FHIT: variants seen among roughly 807,000 people sequenced by gnomAD.
The protein encoded by FHIT is fragile histidine triad diadenosine triphosphatase.
Under a neutral mutation model 17.9 loss-of-function variants are expected in FHIT, and 19 were observed. That is an observed-to-expected ratio of 1.06 (90% confidence interval 0.74 to 1.56). The LOEUF is 1.56. FHIT is among the 40% of genes most tolerant of loss of function. The pLI is 0.00. For synonymous variants in FHIT, 81 were observed against 69.7 expected (o/e 1.16, Z -0.81); for missense variants, 248 against 189.2 (o/e 1.31, Z -1.82).
At chr3:60,002,208 TG>T (rs1196384855) in intron 7 of FHIT, among the ~76,000 whole-genome samples, 1 of 152,070 alleles carries the variant, frequency 6.6e-6, no homozygotes, top group Admixed American at 6.5e-5. Context: ...GGGAAAGAAA[TG>T]GAAGTTTTCA....
chr3:60,100,568 G>A (rs532274904), intron 5 of FHIT, among the ~76,000 whole-genome samples: 3 of 151,988 alleles, frequency 2.0e-5, no homozygotes, highest in Non-Finnish European at 2.9e-5. Context: ...CCCTCACTAC[G>A]CTGACCCCGA....
chr3:60,034,770 T>C (rs556556884), intron 5 of FHIT, among the ~76,000 whole-genome samples: 64 of 152,322 alleles, frequency 4.2e-4, no homozygotes, highest in African/African-American at 1.5e-3. Flanking sequence ...TATATTAATT[T>C]ACATGTAAAA....
intron 7 of FHIT, among the ~76,000 whole-genome samples, chr3:59,981,280 C>T (rs1220458326): frequency 6.6e-6 from 1 of 152,094 alleles, no homozygotes; most frequent in African/African-American, 2.4e-5. Context: ...AAAATTTCCA[C>T]ACTTGGAATG....
intron 8 of FHIT, among the ~76,000 whole-genome samples, chr3:59,804,411 T>C (rs979831578): frequency 6.6e-6 from 1 of 152,346 alleles, no homozygotes; most frequent in South Asian, 2.1e-4. Flanking sequence ...AGAGGGTGCC[T>C]ATGTTCTTGG....
intron 3 of FHIT, among the ~76,000 whole-genome samples, chr3:60,893,093 C>T (rs1301816689): frequency 6.6e-6 from 1 of 152,152 alleles, no homozygotes; most frequent in African/African-American, 2.4e-5. Context: ...GCTGGAAGGA[C>T]TCTCTGAAGC....
chr3:60,755,399 A>G (rs1359421203), intron 4 of FHIT, among the ~76,000 whole-genome samples: 1 of 152,202 alleles, frequency 6.6e-6, no homozygotes, highest in Non-Finnish European at 1.5e-5. Flanking sequence ...ATGTTTTAAG[A>G]TAAGTCGAAA....
intron 4 of FHIT, among the ~76,000 whole-genome samples, chr3:60,642,067 T>C (rs1412705364): frequency 1.3e-5 from 2 of 152,060 alleles, no homozygotes; most frequent in South Asian, 4.2e-4. Flanking sequence ...AAAAACATGA[T>C]GAGAAAGACT....
intron 3 of FHIT, among the ~76,000 whole-genome samples, chr3:60,885,103 T>G (rs971805665): frequency 6.6e-6 from 1 of 152,076 alleles, no homozygotes; most frequent in Non-Finnish European, 1.5e-5. Flanking sequence ...GACAGCTAGA[T>G]AGAAGGAATA....
intron 5 of FHIT, among the ~76,000 whole-genome samples, chr3:60,323,180 C>G (rs973419889): frequency 6.6e-6 from 1 of 152,086 alleles, no homozygotes; most frequent in Non-Finnish European, 1.5e-5. Context: ...AGTACCTCCT[C>G]CCTCAAGGGG....
chr3:60,219,963 G>C (rs956540934), intron 5 of FHIT, among the ~76,000 whole-genome samples: 3 of 152,078 alleles, frequency 2.0e-5, no homozygotes, highest in African/African-American at 7.2e-5. Context: ...TTGTTTCTCT[G>C]TACTTGCAGC....
chr3:60,982,865 T>G (rs543213243), intron 3 of FHIT, among the ~76,000 whole-genome samples: 1 of 152,214 alleles, frequency 6.6e-6, no homozygotes, highest in Non-Finnish European at 1.5e-5. Context: ...ATTTAAATTT[T>G]TACAGTGAGG....
chr3:60,494,723 C>T (rs185768557), intron 5 of FHIT, among the ~76,000 whole-genome samples: 13 of 152,186 alleles, frequency 8.5e-5, no homozygotes, highest in African/African-American at 1.2e-4. Context: ...TGAGAACATA[C>T]AGTATTTGTC....
At chr3:61,143,980 T>A (rs1449144844) in intron 2 of FHIT, among the ~76,000 whole-genome samples, 2 of 152,248 alleles carry the variant, frequency 1.3e-5, no homozygotes, top group African/African-American at 4.8e-5. Context: ...ATTATTGTCA[T>A]GCTAACATAA....
intron 1 of FHIT, among the ~76,000 whole-genome samples, chr3:61,210,807 A>T (rs1015263126): frequency 3.3e-5 from 5 of 151,602 alleles, no homozygotes; most frequent in Admixed American, 2.6e-4. Context: ...CGCTGCACCC[A>T]CTGTCCTGCA....
chr3:60,150,854 G>A (rs1700434326), intron 5 of FHIT, among the ~76,000 whole-genome samples: 1 of 152,158 alleles, frequency 6.6e-6, no homozygotes, highest in East Asian at 1.9e-4. Flanking sequence ...AGGAGGCAGA[G>A]GTTGCAGTGA....
chr3:61,135,648 T>C (rs1424180594), intron 2 of FHIT, among the ~76,000 whole-genome samples: 2 of 152,166 alleles, frequency 1.3e-5, no homozygotes, highest in Non-Finnish European at 2.9e-5. Context: ...GAGGAATTTC[T>C]GGTTTTACTA....
rs62238399 is a variant in FHIT at position 60,026,828 on chromosome 3, G to C, written c.104-12676C>G. 8.0e-3 allele frequency among the ~76,000 whole-genome samples: 1,215 copies of C among 152,218 alleles called. 9 individuals carry two copies. Among genetic ancestry groups the C allele is most frequent in the Non-Finnish European group, 0.013 (866 of 68,018 alleles). On this transcript the variant is annotated intron_variant, in intron 5 of 9. Coordinates refer to ENST00000492590, the MANE Select transcript of FHIT (RefSeq NM_002012.4). ...AAATTAGTAGATCTGGCCAGGTGTG[G>C]TGGCTCACGCCTGTAATCCCAGCAC... is the stretch of plus-strand genomic sequence containing the variant.
intron 3 of FHIT, among the ~76,000 whole-genome samples, chr3:60,902,492 G>T (rs782759453): frequency 1.3e-5 from 2 of 152,188 alleles, no homozygotes; most frequent in Non-Finnish European, 2.9e-5. Context: ...GATGCCCATA[G>T]CCAGGCCTGA....
chr3:60,788,131 CA>C (rs1700646468), intron 4 of FHIT, among the ~76,000 whole-genome samples: 1 of 151,968 alleles, frequency 6.6e-6, no homozygotes. Flanking sequence ...AATCAATTAA[CA>C]AAAATGTTGT....
Sources: allele counts gnomAD v4.1 joint callset (sites outside exome capture counted in the v4.1 genomes callset), GRCh38; gene constraint gnomAD v4.1.1; transcripts MANE v1.5; gene names NCBI Gene and HGNC (gene_info 2026-07-23, HGNC 2026-07-21).